AGAP1: variants seen among roughly 807,000 people sequenced by gnomAD.
AGAP1 encodes arf-GAP with GTPase, ANK repeat and PH domain-containing protein 1.
Under a neutral mutation model 105.3 loss-of-function variants are expected in AGAP1, and 29 were observed. The ratio of observed to expected loss-of-function variants is 0.28; its 90% confidence interval spans 0.21 to 0.38. The LOEUF (loss-of-function observed/expected upper bound fraction) is 0.38, where lower values mean the gene tolerates loss of function less well. AGAP1 is among the 10% of genes least tolerant of loss of function. The probability of loss-of-function intolerance (pLI) is 1.00; values close to 1 mark genes in which losing one functional copy is unlikely to be tolerated. For synonymous variants in AGAP1, 509 were observed against 485.9 expected (o/e 1.05, Z -0.63); for missense variants, 998 against 1,165.1 (o/e 0.86, Z 2.09).
At position 235,774,564 on chromosome 2, in the gene AGAP1, C is replaced by T. The variant is rs1955714633; in HGVS notation, c.674-23195C>T. On this transcript the variant is annotated intron_variant, in intron 6 of 17. Transcript: ENST00000304032. Reference sequence around the variant, plus strand: ...AGCGATCAAGGACTGAAAACTGTCGCATTTAAAATGGAAATGAAGCCAGGG... The same window carrying T: ...AGCGATCAAGGACTGAAAACTGTCGTATTTAAAATGGAAATGAAGCCAGGG... 7 of 308,248 alleles carry T rather than the reference C, an allele frequency of 2.3e-5. 1 individual carries two copies. The highest frequency in any genetic ancestry group is 1.8e-4 in the South Asian group (7 of 38,690). The allele number at this position is 308,248 out of a possible 1,614,324, so 19.1% of individuals were successfully genotyped here. A position where few individuals can be genotyped will look rare whatever the true frequency, so the allele number is the denominator to read the frequency against.
At chr2:235,661,327 T>C (rs753287819) in intron 1 of AGAP1, among the ~76,000 whole-genome samples, 5 of 152,120 alleles carry the variant, frequency 3.3e-5, no homozygotes, top group Non-Finnish European at 7.3e-5. Flanking sequence ...TGTTTTCCTC[T>C]GCCGCCTGAA....
chr2:235,764,471 C>T (rs1034592576), intron 6 of AGAP1, among the ~76,000 whole-genome samples: 1 of 152,350 alleles, frequency 6.6e-6, no homozygotes, highest in Non-Finnish European at 1.5e-5. Context: ...GCACATCCCC[C>T]CCACTTTGGT....
chr2:235,748,806 C>T (rs1181222781), intron 5 of AGAP1, among the ~76,000 whole-genome samples: 1 of 152,200 alleles, frequency 6.6e-6, no homozygotes, highest in Non-Finnish European at 1.5e-5. Context: ...GCTGCTATTT[C>T]TTTGACTGGT....
At chr2:235,939,518 C>T (rs951758859) in intron 12 of AGAP1, among the ~76,000 whole-genome samples, 1 of 152,028 alleles carries the variant, frequency 6.6e-6, no homozygotes, top group African/African-American at 2.4e-5. Context: ...CACCATGGCC[C>T]TCTGCAGTTT....
At chr2:236,013,469 A>T (rs563770259) in intron 13 of AGAP1, among the ~76,000 whole-genome samples, 2 of 152,322 alleles carry the variant, frequency 1.3e-5, no homozygotes, top group African/African-American at 4.8e-5. Flanking sequence ...GTAAGTCAGG[A>T]ACACGTTGGG....
chr2:235,849,047 A>T (rs1961847295), intron 9 of AGAP1, among the ~76,000 whole-genome samples: 2 of 152,198 alleles, frequency 1.3e-5, no homozygotes, highest in African/African-American at 4.8e-5. Flanking sequence ...TGGCTGGTTA[A>T]TTCTGGTGTT....
chr2:235,530,407 T>C (rs752562543), intron 1 of AGAP1, among the ~76,000 whole-genome samples: 8 of 152,200 alleles, frequency 5.3e-5, no homozygotes, highest in Admixed American at 3.9e-4. Context: ...CTGTACAAGG[T>C]TACCCCAGAT....
chr2:236,046,524 C>G lies in AGAP1; in HGVS notation c.1892-2535C>G, dbSNP rs571927544. ...GAATTAAGGTGGACCCCTGGGGTCC[C>G]AGCTTGAATAGCTGGGACAGGAGGG... On this transcript the variant is annotated intron_variant, in intron 15 of 17. Coordinates refer to ENST00000304032, the MANE Select transcript of AGAP1 (RefSeq NM_001037131.3). The surrounding 1 kb of genome is among the most constrained non-coding windows in gnomAD (Gnocchi z 5.2). 6.6e-6 allele frequency among the ~76,000 whole-genome samples: 1 copy of G among 152,286 alleles called. No homozygotes were observed. Among genetic ancestry groups the G allele is most frequent in the African/African-American group, 2.4e-5 (1 of 41,568 alleles).
rs1234165991 is a variant in AGAP1 at position 235,887,691 on chromosome 2, C to T, written c.1155+4242C>T. On this transcript the variant is annotated intron_variant, in intron 10 of 17. Coordinates refer to ENST00000304032, the MANE Select transcript of AGAP1 (RefSeq NM_001037131.3). This position sits in a 1 kb window ranked among gnomAD's most constrained non-coding sequence, Gnocchi z 4.1. ...GGAAAAAAAATCCCGGCCAAACCAT[C>T]AGATATTTTTAGTTTTCTACAAAGA... Among the ~76,000 whole-genome samples, 1 of 152,190 alleles carries T rather than the reference C, an allele frequency of 6.6e-6. No homozygotes were observed. The highest frequency in any genetic ancestry group is 2.4e-5 in the African/African-American group (1 of 41,442).
chr2:235,840,211 CCATTCTGATGGCTTCAGCCTCTGTG>C, intron 9 of AGAP1, among the ~76,000 whole-genome samples: 1 of 152,206 alleles, frequency 6.6e-6, no homozygotes, highest in Admixed American at 6.5e-5. Flanking sequence ...AAGCTGCTGT[CCATTCTGATGGCTTCAGCCTCTGTG>C]CATTCTGATG....
intron 10 of AGAP1, among the ~76,000 whole-genome samples, chr2:235,902,498 G>A (rs1327354193): frequency 6.6e-6 from 1 of 152,202 alleles, no homozygotes; most frequent in African/African-American, 2.4e-5. Context: ...TTTTTGAAAT[G>A]AAGTATGCAG....
chr2:235,966,998 T>C (rs1575915758), intron 12 of AGAP1, among the ~76,000 whole-genome samples: 1 of 152,204 alleles, frequency 6.6e-6, no homozygotes, highest in African/African-American at 2.4e-5. Flanking sequence ...ATTTCCATTA[T>C]CTTTGTATTT....
intron 1 of AGAP1, among the ~76,000 whole-genome samples, chr2:235,669,432 C>T (rs1034596389): frequency 6.6e-6 from 1 of 151,830 alleles, no homozygotes. Context: ...CTGGGCTGGG[C>T]CCCTCGGAGG....
chr2:235,869,291 CAG>C (rs1464164596), intron 9 of AGAP1, among the ~76,000 whole-genome samples: 1 of 151,640 alleles, frequency 6.6e-6, no homozygotes, highest in African/African-American at 2.4e-5. Flanking sequence ...TGGCTTAAAA[CAG>C]TACCATTTTG....
intron 1 of AGAP1, chr2:235,670,968 C>A: frequency 1.5e-6 from 2 of 1,317,278 alleles, no homozygotes; most frequent in South Asian, 2.2e-5. Context: ...AGCGGAGCCT[C>A]GCGGCCACGC....
rs1943802619 is a variant in AGAP1, at chr2:235,551,355, A to C, written c.163+56506A>C. 6.6e-6 allele frequency among the ~76,000 whole-genome samples: 1 copy of C among 151,928 alleles called. No homozygotes were observed. Among genetic ancestry groups the C allele is most frequent in the African/African-American group, 2.4e-5 (1 of 41,332 alleles). ...GGTCTCACTCTGTCACTCAGGTTGG[A>C]GTGCAGTGGCTTGATCATAGCTCAC... is the stretch of plus-strand genomic sequence containing the variant. On this transcript the variant is annotated intron_variant, in intron 1 of 17. Coordinates refer to ENST00000304032, the MANE Select transcript of AGAP1 (RefSeq NM_001037131.3). The surrounding 1 kb of genome is among the most constrained non-coding windows in gnomAD (Gnocchi z 4.8).
chr2:235,639,784 G>A lies in AGAP1; in HGVS notation c.164-69395G>A, dbSNP rs1411525382. Among the ~76,000 whole-genome samples the A allele has an allele frequency of 6.6e-6, 1 of 152,084 alleles. No individual in the cohort carries two copies. Among genetic ancestry groups the A allele is most frequent in the Non-Finnish European group, 1.5e-5 (1 of 68,024 alleles). On this transcript the variant is annotated intron_variant, in intron 1 of 17. Transcript: ENST00000304032. This position sits in a 1 kb window ranked among gnomAD's most constrained non-coding sequence, Gnocchi z 5.3. The stretch of plus-strand genomic sequence containing the variant: ...TAGACCATCCAGTTTTGCTTCTCAG[G>A]CTCTGAAAAACACTTTTAAGAGCAG...
intron 1 of AGAP1, among the ~76,000 whole-genome samples, chr2:235,672,369 G>GT (rs1948482509): frequency 6.6e-6 from 1 of 152,226 alleles, no homozygotes; most frequent in Non-Finnish European, 1.5e-5. Flanking sequence ...GCAGTGGCAT[G>GT]TGCGGTAATG....
In AGAP1 at chr2:235,927,915, A is replaced by G. The variant is rs1303177149; in HGVS notation, c.1325-2850A>G. ...TGGACCTTGTGTGCCTAAAGCTGGT[A>G]TAAAATGAGGTCTGTGGACAGATGG... is the stretch of plus-strand genomic sequence containing the variant. On this transcript the variant is annotated intron_variant, in intron 11 of 17. Coordinates refer to ENST00000304032, the MANE Select transcript of AGAP1 (RefSeq NM_001037131.3). This position sits in a 1 kb window ranked among gnomAD's most constrained non-coding sequence, Gnocchi z 4.4. 6.6e-6 allele frequency among the ~76,000 whole-genome samples: 1 copy of G among 152,198 alleles called. No individual in the cohort carries two copies. Among genetic ancestry groups the G allele is most frequent in the Non-Finnish European group, 1.5e-5 (1 of 68,026 alleles).
Sources: allele counts gnomAD v4.1 joint callset (sites outside exome capture counted in the v4.1 genomes callset), GRCh38; gene constraint gnomAD v4.1.1; non-coding constraint Gnocchi (gnomAD v3.1); transcripts MANE v1.5; gene names NCBI Gene and HGNC (gene_info 2026-07-23, HGNC 2026-07-21).